PHLPP1: variants seen among roughly 807,000 people sequenced by gnomAD.
The protein encoded by PHLPP1 is PH domain and leucine rich repeat protein phosphatase 1.
In PHLPP1, 42 loss-of-function variants were observed where a neutral mutation model predicts 117.2. The ratio of observed to expected loss-of-function variants is 0.36; its 90% CI spans 0.28 to 0.46. The LOEUF is 0.46. PHLPP1 is among the 20% of genes least tolerant of loss of function. The pLI, the probability that PHLPP1 is intolerant of heterozygous loss-of-function variation, is 1.00. For synonymous variants in PHLPP1, 1,042 were observed against 970.7 expected, an observed-to-expected ratio of 1.07 and a Z score of -1.37; for missense variants, 2,084 against 2,241.9, an observed-to-expected ratio of 0.93 and a Z score of 1.42.
At chr18:62,904,008 G>A (rs1916788439) in intron 7 of PHLPP1, among the ~76,000 whole-genome samples, 1 of 152,178 alleles carries the variant, frequency 6.6e-6, no homozygotes, top group Non-Finnish European at 1.5e-5. Flanking sequence ...ACTACTGCAA[G>A]TTGAACATAT....
At chr18:62,864,748 A>G (rs575765560) in intron 4 of PHLPP1, among the ~76,000 whole-genome samples, 48 of 152,360 alleles carry the variant, frequency 3.2e-4, no homozygotes, top group Non-Finnish European at 6.0e-4. Flanking sequence ...CCTGCCCAGA[A>G]TTAGAATACT....
At chr18:62,926,092 A>C (rs1157300478) in intron 10 of PHLPP1, among the ~76,000 whole-genome samples, 2 of 152,218 alleles carry the variant, frequency 1.3e-5, no homozygotes, top group Non-Finnish European at 2.9e-5. Flanking sequence ...ATTTTAAGGT[A>C]TAGTTCTTAA....
intron 2 of PHLPP1, among the ~76,000 whole-genome samples, chr18:62,833,234 C>T (rs901603282): frequency 1.3e-5 from 2 of 151,992 alleles, no homozygotes; most frequent in Non-Finnish European, 1.5e-5. Flanking sequence ...CCACCATGCC[C>T]GGCCAATTTT....
intron 3 of PHLPP1, chr18:62,839,796 T>A (rs1042586972): frequency 6.8e-6 from 1 of 147,444 alleles, no homozygotes; most frequent in African/African-American, 2.5e-5. Context: ...TATATATATA[T>A]AATATCTAGT....
At position 62,860,458 on chromosome 18, in the gene PHLPP1, A is replaced by C. The variant is rs190711929; in HGVS notation, c.1923A>C (p.Ser641=). 3.6e-3 allele frequency: 5,825 copies of C among 1,613,910 alleles called. 38 individuals are homozygous for C. The highest frequency in any genetic ancestry group is 3.7e-3 in the Non-Finnish European group (4,402 of 1,179,804). ...AGGTTGCATCCCAGCGCATTAGCTC[A>C]GTGGACCTCTCGTGTTGTAGCCTGG... is the stretch of plus-strand genomic sequence containing the variant. The part of the protein sequence containing the change: ...VSKVASQRIS[S]VDLSCCSLEH... Residue 641 remains serine (S), a synonymous_variant, in exon 4 of 17, where the codon TCA becomes TCC. Coordinates refer to ENST00000262719, the MANE Select transcript of PHLPP1 (RefSeq NM_194449.4).
intron 1 of PHLPP1, among the ~76,000 whole-genome samples, chr18:62,815,200 C>T (rs1914235686): frequency 6.6e-6 from 1 of 150,618 alleles, no homozygotes; most frequent in Admixed American, 6.6e-5. Context: ...CTCTGTTGCC[C>T]AGGCTGGAGT....
intron 1 of PHLPP1, among the ~76,000 whole-genome samples, chr18:62,816,735 A>G (rs919336282): frequency 7.9e-5 from 12 of 152,006 alleles, no homozygotes; most frequent in African/African-American, 2.9e-4. Flanking sequence ...TGGGGGATAT[A>G]TTTTTTGTCT....
intron 1 of PHLPP1, among the ~76,000 whole-genome samples, chr18:62,782,224 A>C (rs972908644): frequency 8.5e-5 from 13 of 152,380 alleles, no homozygotes; most frequent in African/African-American, 2.9e-4. Context: ...AAGAGGCATG[A>C]GTCTGCCTGT....
At chr18:62,923,670 TTACC>T (rs996037486) in intron 10 of PHLPP1, among the ~76,000 whole-genome samples, 6 of 152,200 alleles carry the variant, frequency 3.9e-5, no homozygotes, top group Non-Finnish European at 8.8e-5. Context: ...ATGGAAATTT[TTACC>T]TACCTATTTT....
At chr18:62,899,054 C>T (rs943930054) in intron 6 of PHLPP1, among the ~76,000 whole-genome samples, 4 of 152,098 alleles carry the variant, frequency 2.6e-5, no homozygotes, top group African/African-American at 9.7e-5. Flanking sequence ...ACTGCTTCGG[C>T]CTCCCAAAGT....
intron 4 of PHLPP1, among the ~76,000 whole-genome samples, chr18:62,867,813 G>T (rs1915803874): frequency 6.6e-6 from 1 of 151,864 alleles, no homozygotes. Context: ...GGTTTAGTAT[G>T]TGGATTTTTT....
intron 1 of PHLPP1, among the ~76,000 whole-genome samples, chr18:62,761,812 T>G (rs921851324): frequency 1.3e-5 from 2 of 152,132 alleles, no homozygotes; most frequent in Non-Finnish European, 2.9e-5. Flanking sequence ...CTCACTATGT[T>G]GGCCAGGTTG....
chr18:62,812,551 C>T (rs1320309612), intron 1 of PHLPP1, among the ~76,000 whole-genome samples: 1 of 152,168 alleles, frequency 6.6e-6, no homozygotes, highest in Non-Finnish European at 1.5e-5. Context: ...ATTCCTAAGG[C>T]CTCTAAATCC....
chr18:62,857,184 C>T (rs540246711), intron 3 of PHLPP1, among the ~76,000 whole-genome samples: 16 of 152,092 alleles, frequency 1.1e-4, no homozygotes, highest in African/African-American at 3.9e-4. Flanking sequence ...ATTAGCAAAC[C>T]CTTGGTGGCT....
intron 1 of PHLPP1, among the ~76,000 whole-genome samples, chr18:62,809,935 T>C (rs1914063371): frequency 6.6e-6 from 1 of 152,210 alleles, no homozygotes; most frequent in African/African-American, 2.4e-5. Flanking sequence ...CTAGTTCTAT[T>C]TGGTGTTGTG....
chr18:62,952,375 T>C (rs1402160789), intron 12 of PHLPP1, among the ~76,000 whole-genome samples: 1 of 152,194 alleles, frequency 6.6e-6, no homozygotes, highest in Non-Finnish European at 1.5e-5. Context: ...GGAAATTCTG[T>C]ATTTGAACAA....
intron 1 of PHLPP1, among the ~76,000 whole-genome samples, chr18:62,763,638 A>C (rs1298128479): frequency 6.6e-6 from 1 of 151,866 alleles, no homozygotes; most frequent in African/African-American, 2.4e-5. Context: ...CCTCTTTTTT[A>C]GTTTTCTCAC....
intron 1 of PHLPP1, among the ~76,000 whole-genome samples, chr18:62,813,077 C>T (rs1914169512): frequency 6.6e-6 from 1 of 152,166 alleles, no homozygotes; most frequent in South Asian, 2.1e-4. Context: ...AGACATTGAA[C>T]TGACAAGTGA....
At position 62,830,094 on chromosome 18, in the gene PHLPP1, C is replaced by T. The variant is rs1379124516; in HGVS notation, c.1636C>T (p.Arg546Cys). The T allele has an allele frequency of 1.4e-5, 23 of 1,613,478 alleles. No homozygotes were observed. Among genetic ancestry groups the T allele is most frequent in the East Asian group, 2.2e-5 (1 of 44,876 alleles). Residue 546 changes from arginine (R) to cysteine (C), a missense_variant, in exon 2 of 17, where the codon CGT (arginine) becomes TGT (cysteine). Arg to Cys is a radical substitution (Grantham distance 180). Around this residue, in one of 2 missense-constraint regions of PHLPP1, gnomAD observed 1,365 missense variants for 1,605.9 expected, o/e 0.85. Coordinates refer to ENST00000262719, the MANE Select transcript of PHLPP1 (RefSeq NM_194449.4). ...RIQLSGMYNV[R>C]KGKMQLPVNR... ...TCAGCTCTCAGGAATGTATAATGTC[C>T]GTAAAGGCAAGATGCAGTTGCCAGT... is the stretch of plus-strand genomic sequence containing the variant.
Sources: gnomAD v4.1 joint callset for allele counts (sites outside exome capture counted in the v4.1 genomes callset) on GRCh38, gnomAD v4.1.1 for gene constraint, gnomAD v4.1.1 regional missense constraint, MANE v1.5 for transcripts, NCBI Gene and HGNC (gene_info 2026-07-23, HGNC 2026-07-21) for gene names.